Variants in GRID1 observed in about 807,000 individuals in gnomAD.
GRID1 encodes the protein glutamate receptor ionotropic, delta-1.
Under a neutral mutation model 98.0 loss-of-function variants are expected in GRID1, and 28 were observed. That is an observed-to-expected ratio of 0.29 (90% CI 0.21 to 0.39). The LOEUF (loss-of-function observed/expected upper bound fraction) is 0.39. Ranked by LOEUF, GRID1 falls within the 10% of genes least tolerant of loss-of-function variation. The pLI is 1.00. For synonymous variants in GRID1, 553 were observed against 538.5 expected (o/e 1.03, Z -0.37); for missense variants, 1,111 against 1,340.5 (o/e 0.83, Z 2.67).
intron 12 of GRID1, among the ~76,000 whole-genome samples, chr10:85,648,895 G>T (rs1416498645): frequency 6.6e-6 from 1 of 152,206 alleles, no homozygotes; most frequent in Non-Finnish European, 1.5e-5. Flanking sequence ...ACAAGCAAGG[G>T]CTCTGGAGTC....
chr10:85,823,050 AG>A (rs1842787524), intron 8 of GRID1, among the ~76,000 whole-genome samples: 1 of 152,136 alleles, frequency 6.6e-6, no homozygotes, highest in Non-Finnish European at 1.5e-5. Context: ...AGTTGCGGGG[AG>A]GGGGTAGGGA....
intron 4 of GRID1, among the ~76,000 whole-genome samples, chr10:86,059,804 G>C (rs998507058): frequency 6.6e-6 from 1 of 152,084 alleles, no homozygotes; most frequent in Admixed American, 6.5e-5. Flanking sequence ...TTCTAAACAA[G>C]TCTTTTACAA....
rs10634848 is a variant in GRID1 at position 85,631,985 on chromosome 10, G to GCACACACA, written c.2194-11960_2194-11953dup. On this transcript the variant is annotated intron_variant, in intron 13 of 15. Coordinates refer to ENST00000327946, the MANE Select transcript of GRID1 (RefSeq NM_017551.3). ...CCCTGTGTGCCATGTAAACACATAT[G>GCACACACA]CACACACACACACACACACACACAC... 3.4e-3 allele frequency among the ~76,000 whole-genome samples: 510 copies of GCACACACA among 147,832 alleles called. 3 individuals carry two copies. The highest frequency in any genetic ancestry group is 0.011 in the African/African-American group (466 of 40,530).
intron 8 of GRID1, among the ~76,000 whole-genome samples, chr10:85,843,331 T>C (rs1209160470): frequency 1.3e-5 from 2 of 151,926 alleles, no homozygotes; most frequent in East Asian, 3.9e-4. Flanking sequence ...TATGAAAATA[T>C]CAAACTTTAA....
chr10:85,854,944 G>A (rs1843095059), intron 7 of GRID1, among the ~76,000 whole-genome samples: 1 of 152,230 alleles, frequency 6.6e-6, no homozygotes, highest in Non-Finnish European at 1.5e-5. Flanking sequence ...CCCTCTTGAA[G>A]CTTAGTCCTC....
chr10:86,240,153 G>A (rs182452627), intron 2 of GRID1, among the ~76,000 whole-genome samples: 11 of 152,340 alleles, frequency 7.2e-5, no homozygotes, highest in African/African-American at 2.6e-4. Context: ...ACCAGCCTGA[G>A]GGACTTTGTT....
At chr10:85,605,404 C>T (rs1053545380) in intron 15 of GRID1, 1 of 152,206 alleles carries the variant, frequency 6.6e-6, no homozygotes, top group East Asian at 1.9e-4. Context: ...GCTAGCAAAG[C>T]TTGGAGAAGC....
At chr10:86,150,912 C>A (rs1845158998) in intron 3 of GRID1, among the ~76,000 whole-genome samples, 1 of 152,166 alleles carries the variant, frequency 6.6e-6, no homozygotes, top group African/African-American at 2.4e-5. Flanking sequence ...TTCTCAGCCT[C>A]CAGACTGTGA....
At chr10:86,305,378 T>C (rs1441754550) in intron 2 of GRID1, among the ~76,000 whole-genome samples, 3 of 152,206 alleles carry the variant, frequency 2.0e-5, no homozygotes, top group African/African-American at 7.2e-5. Context: ...CCTATCTCTA[T>C]TTCTCTTAAA....
chr10:85,735,846 GAGGAAGGA>G (rs368917055), intron 8 of GRID1, among the ~76,000 whole-genome samples: 31 of 146,576 alleles, frequency 2.1e-4, no homozygotes, highest in African/African-American at 6.0e-4. Flanking sequence ...AGAAGGAAGG[GAGGAAGGA>G]AGGAAGGAAG....
intron 8 of GRID1, among the ~76,000 whole-genome samples, chr10:85,806,352 C>T (rs754721462): frequency 1.3e-5 from 2 of 152,068 alleles, no homozygotes; most frequent in Non-Finnish European, 1.5e-5. Flanking sequence ...CCATATATTT[C>T]TGGTGAGAAT....
intron 2 of GRID1, among the ~76,000 whole-genome samples, chr10:86,211,414 C>T (rs920983247): frequency 2.0e-5 from 3 of 152,326 alleles, no homozygotes; most frequent in Admixed American, 1.3e-4. Flanking sequence ...TTCCAGCCCC[C>T]CCACCTGCAC....
chr10:85,959,393 G>A (rs1213302154), intron 4 of GRID1, among the ~76,000 whole-genome samples: 1 of 152,192 alleles, frequency 6.6e-6, no homozygotes, highest in African/African-American at 2.4e-5. Context: ...TGTTGCACCA[G>A]TGCCTTGGCA....
intron 2 of GRID1, among the ~76,000 whole-genome samples, chr10:86,283,540 C>T (rs988150073): frequency 7.2e-6 from 1 of 138,406 alleles, no homozygotes; most frequent in Non-Finnish European, 1.5e-5. Flanking sequence ...CACACACACA[C>T]ACACCTGCCC....
chr10:85,984,280 G>A (rs1001713732), intron 4 of GRID1, among the ~76,000 whole-genome samples: 4 of 152,180 alleles, frequency 2.6e-5, no homozygotes, highest in Admixed American at 6.5e-5. Flanking sequence ...AACATGGAAC[G>A]AGAAAGAGAC....
At chr10:85,743,604 T>C (rs577246938) in intron 8 of GRID1, among the ~76,000 whole-genome samples, 2 of 152,222 alleles carry the variant, frequency 1.3e-5, no homozygotes, top group East Asian at 3.9e-4. Flanking sequence ...AAAACTACTG[T>C]AGGAGTTTAG....
intron 2 of GRID1, among the ~76,000 whole-genome samples, chr10:86,238,681 A>AG: frequency 6.6e-6 from 1 of 152,016 alleles, no homozygotes; most frequent in East Asian, 1.9e-4. Context: ...AAAAAAAAAA[A>AG]AAAAAAAAAG....
At chr10:86,069,917 G>A (rs997837416) in intron 4 of GRID1, among the ~76,000 whole-genome samples, 7 of 152,102 alleles carry the variant, frequency 4.6e-5, no homozygotes, top group African/African-American at 1.7e-4. Flanking sequence ...GAGGGGAGAG[G>A]GGCCACTCAC....
At chr10:85,941,032 G>A (rs1215488736) in intron 4 of GRID1, among the ~76,000 whole-genome samples, 1 of 152,192 alleles carries the variant, frequency 6.6e-6, no homozygotes, top group South Asian at 2.1e-4. Context: ...AGAATTGTAT[G>A]TATTAAGGAC....
Sources: gnomAD v4.1 joint callset for allele counts (sites outside exome capture counted in the v4.1 genomes callset) on GRCh38, gnomAD v4.1.1 for gene constraint, MANE v1.5 for transcripts, NCBI Gene and HGNC (gene_info 2026-07-23, HGNC 2026-07-21) for gene names.